The following ANKS1A variants were observed in gnomAD, a reference collection of about 807,000 sequenced individuals.
ANKS1A encodes the protein ankyrin repeat and sterile alpha motif domain containing 1A.
A neutral mutation model predicts 120.3 loss-of-function variants in ANKS1A; 55 were observed. The ratio of observed to expected loss-of-function variants is 0.46; its 90% CI spans 0.37 to 0.57. ANKS1A has a LOEUF of 0.57. Among genes scored for constraint, ANKS1A ranks in the 20% least tolerant of loss-of-function variants. The pLI is 0.00. For synonymous variants in ANKS1A, 590 were observed against 604.7 expected, an observed-to-expected ratio of 0.98 and a Z score of 0.36; for missense variants, 1,123 against 1,480.3, an observed-to-expected ratio of 0.76 and a Z score of 3.96.
Position 34,982,616 on chromosome 6 carries a change from T to G in ANKS1A, c.733-136T>G, listed in dbSNP as rs750918585. On this transcript the variant is annotated intron_variant, in intron 4 of 23. Transcript: ENST00000360359. This position sits in a 1 kb window ranked among gnomAD's most constrained non-coding sequence, Gnocchi z 4.9. ...GTTTTGGAATCCACACAAGAAAAGCTGGAAAGATAATGACAGAGGGCTTTG... is the reference window on the plus strand; with the variant it reads ...GTTTTGGAATCCACACAAGAAAAGCGGGAAAGATAATGACAGAGGGCTTTG... 70 of 907,794 alleles carry G rather than the reference T, an allele frequency of 7.7e-5. No individual in the cohort carries two copies. Among genetic ancestry groups the G allele is most frequent in the Non-Finnish European group, 9.7e-5 (56 of 578,932 alleles). The allele number at this position is 907,794 out of a possible 1,614,324, so 56.2% of individuals were successfully genotyped here. A position where few individuals can be genotyped will look rare whatever the true frequency, so the allele number is the denominator to read the frequency against.
chr6:34,966,835 G>A (rs896123969), intron 1 of ANKS1A, among the ~76,000 whole-genome samples: 4 of 152,210 alleles, frequency 2.6e-5, no homozygotes, highest in East Asian at 1.9e-4. Flanking sequence ...TCGTTGGCTC[G>A]TCTTGATTAT....
At chr6:34,905,494 A>C (rs999311716) in intron 1 of ANKS1A, among the ~76,000 whole-genome samples, 1 of 150,738 alleles carries the variant, frequency 6.6e-6, no homozygotes, top group Non-Finnish European at 1.5e-5. Context: ...CTTCTTGAGC[A>C]CTTAATACTT....
intron 11 of ANKS1A, among the ~76,000 whole-genome samples, chr6:35,046,523 G>A (rs996655416): frequency 4.6e-5 from 7 of 152,140 alleles, no homozygotes; most frequent in African/African-American, 1.7e-4. Context: ...CAGAAAACTT[G>A]AAAGACTTGA....
At chr6:34,948,768 ATTGTT>A (rs1163362904) in intron 1 of ANKS1A, among the ~76,000 whole-genome samples, 2 of 152,072 alleles carry the variant, frequency 1.3e-5, no homozygotes, top group African/African-American at 2.4e-5. Flanking sequence ...AAACAAAACA[ATTGTT>A]TTGTTTATCT....
chr6:35,078,801 G>T (rs964085648), intron 14 of ANKS1A, 145 bp downstream of exon 14: 4 of 727,532 alleles, frequency 5.5e-6, no homozygotes, highest in Non-Finnish European at 9.1e-6. Flanking sequence ...TAGGAGCTCC[G>T]GAAGGGCCGC....
At chr6:34,999,428 G>A (rs1042375523) in intron 10 of ANKS1A, among the ~76,000 whole-genome samples, 16 of 152,184 alleles carry the variant, frequency 1.1e-4, no homozygotes, top group Admixed American at 7.8e-4. Flanking sequence ...AAGTGTGTGT[G>A]TGCCCTTTTT....
intron 3 of ANKS1A, chr6:34,972,514 C>A: frequency 1.2e-6 from 1 of 826,592 alleles, no homozygotes; most frequent in Non-Finnish European, 1.5e-6. Context: ...TCCCTCAGGG[C>A]TGTGTATTGC....
intron 1 of ANKS1A, among the ~76,000 whole-genome samples, chr6:34,937,304 T>TAA (rs1398466159): frequency 1.3e-5 from 2 of 151,470 alleles, no homozygotes; most frequent in African/African-American, 4.8e-5. Context: ...GACCTCATCT[T>TAA]AAAAAAATAT....
chr6:35,035,686 G>A (rs189048048), intron 11 of ANKS1A, among the ~76,000 whole-genome samples: 1 of 152,322 alleles, frequency 6.6e-6, no homozygotes, highest in African/African-American at 2.4e-5. Context: ...CAACCTGGGC[G>A]AGTCGGGAAT....
At chr6:35,079,772 G>T in intron 15 of ANKS1A, 49 bp from the exon 16 acceptor site, 1 of 1,605,036 alleles carries the variant, frequency 6.2e-7, no homozygotes, top group Middle Eastern at 1.7e-4. Context: ...AGCGGACTGT[G>T]AGTGAGTTGG....
intron 1 of ANKS1A, among the ~76,000 whole-genome samples, chr6:34,938,943 T>A (rs1769396487): frequency 6.6e-6 from 1 of 152,176 alleles, no homozygotes; most frequent in Non-Finnish European, 1.5e-5. Flanking sequence ...AGCTGAGATC[T>A]CGCCACTGTG....
chr6:35,040,724 T>C (rs1445916676), intron 11 of ANKS1A, among the ~76,000 whole-genome samples: 1 of 152,224 alleles, frequency 6.6e-6, no homozygotes, highest in Non-Finnish European at 1.5e-5. Flanking sequence ...AGAGGCAGAA[T>C]TTTCGAAGAT....
chr6:35,027,872 G>A (rs1774707792), intron 11 of ANKS1A, among the ~76,000 whole-genome samples: 1 of 152,212 alleles, frequency 6.6e-6, no homozygotes. Context: ...TGCTGGGCAG[G>A]GCCAAGATGC....
At chr6:34,944,789 T>C (rs1199488970) in intron 1 of ANKS1A, among the ~76,000 whole-genome samples, 1 of 152,238 alleles carries the variant, frequency 6.6e-6, no homozygotes, top group Non-Finnish European at 1.5e-5. Context: ...CAAATCTGTG[T>C]TGTTCAAGGG....
chr6:35,002,356 G>A (rs756744115), intron 10 of ANKS1A, among the ~76,000 whole-genome samples: 7 of 152,212 alleles, frequency 4.6e-5, no homozygotes, highest in Non-Finnish European at 4.4e-5. Context: ...AGTTACACCC[G>A]GAAGCTGACT....
At chr6:35,094,331 C>A (rs1362283819), downstream of ANKS1A, among the ~76,000 whole-genome samples, 2 of 151,876 alleles carry the variant, frequency 1.3e-5, no homozygotes, top group South Asian at 2.1e-4. Context: ...CCCAGCTACT[C>A]GGAAGCCTGA....
chr6:34,890,118 G>T (rs1766733097), intron 1 of ANKS1A, among the ~76,000 whole-genome samples: 1 of 151,456 alleles, frequency 6.6e-6, no homozygotes, highest in Non-Finnish European at 1.5e-5. Flanking sequence ...TCGAGACGGA[G>T]ACTTGTTCTG....
intron 1 of ANKS1A, among the ~76,000 whole-genome samples, chr6:34,918,551 T>C (rs117497334): frequency 6.6e-6 from 1 of 152,352 alleles, no homozygotes; most frequent in East Asian, 1.9e-4. Flanking sequence ...TGCATGTCTA[T>C]GCATTCTATG....
rs950385452 is a variant in ANKS1A at position 35,071,003 on chromosome 6, C to G, written c.2185-7555C>G. The G allele has an allele frequency of 6.6e-5, 35 of 529,152 alleles. 1 individual carries two copies. The Admixed American group carries it at 7.7e-4, about 12-fold the overall frequency. The allele number at this position is 529,152 out of a possible 1,614,324, so 32.8% of individuals were successfully genotyped here. Reference sequence around the variant, plus strand: ...TCTGTCTATTTTACAGAGGCCTGCCCATTCCCCTAGTTTCTTGTTGTCATC... The same window carrying G: ...TCTGTCTATTTTACAGAGGCCTGCCGATTCCCCTAGTTTCTTGTTGTCATC... On this transcript the variant is annotated intron_variant, in intron 13 of 23. Coordinates refer to ENST00000360359, the MANE Select transcript of ANKS1A (RefSeq NM_015245.3).
Sources: allele counts gnomAD v4.1 joint callset (sites outside exome capture counted in the v4.1 genomes callset), GRCh38; gene constraint gnomAD v4.1.1; non-coding constraint Gnocchi (gnomAD v3.1); transcripts MANE v1.5; gene names NCBI Gene and HGNC (gene_info 2026-07-23, HGNC 2026-07-21).